NMUR2: variants seen among roughly 807,000 people sequenced by gnomAD.
NMUR2 encodes neuromedin-U receptor 2.
NMUR2 carries 24 observed loss-of-function variants against 25.1 expected under a neutral mutation model. The observed-to-expected ratio is 0.96, with a 90% CI of 0.69 to 1.34. NMUR2 has a LOEUF of 1.34. Ranked by LOEUF, NMUR2 falls within the 40% of genes most tolerant of loss-of-function variation. The pLI is 0.00. For missense variants in NMUR2, 533 were observed against 512.8 expected (o/e 1.04, Z -0.38); for synonymous variants, 218 against 208.1 (o/e 1.05, Z -0.41).
At chr5:152,395,352 G>T (rs1753130048) in intron 3 of NMUR2, 107 bp downstream of exon 3, 1 of 1,268,778 alleles carries the variant, frequency 7.9e-7, no homozygotes, top group Non-Finnish European at 1.1e-6. Flanking sequence ...ATTATAGCAT[G>T]GCAGATCCCC....
intron 1 of NMUR2, among the ~76,000 whole-genome samples, chr5:152,399,150 A>G (rs1753213642): frequency 6.6e-6 from 1 of 152,164 alleles, no homozygotes; most frequent in African/African-American, 2.4e-5. Flanking sequence ...GTTTGGCCAA[A>G]TAAAGGAAGC....
At chr5:152,397,969 G>T in intron 2 of NMUR2, 91 bp downstream of exon 2, 1 of 838,214 alleles carries the variant, frequency 1.2e-6, no homozygotes, top group South Asian at 1.5e-5. Flanking sequence ...GGATAAATTG[G>T]AACCTACCCC....
At chr5:152,397,907 C>A (rs983603191) in intron 2 of NMUR2, among the ~76,000 whole-genome samples, 153 bp downstream of exon 2, 6 of 152,142 alleles carry the variant, frequency 3.9e-5, no homozygotes, top group African/African-American at 1.4e-4. Flanking sequence ...CATTATATAT[C>A]TCTCCCCTTT....
intron 1 of NMUR2, among the ~76,000 whole-genome samples, chr5:152,398,653 T>C (rs10434724): frequency 0.21 from 31,565 of 151,982 alleles, 3,258 homozygotes; most frequent in East Asian, 0.29. Flanking sequence ...TCAAGGGGGA[T>C]AGTGTATCAA....
intron 1 of NMUR2, among the ~76,000 whole-genome samples, chr5:152,403,123 A>G (rs1753286783): frequency 6.6e-6 from 1 of 152,170 alleles, no homozygotes; most frequent in Non-Finnish European, 1.5e-5. Flanking sequence ...AACTCACATT[A>G]CTTCAGCTCA....
At chr5:152,403,873 C>T (rs1444810170) in intron 1 of NMUR2, among the ~76,000 whole-genome samples, 1 of 151,998 alleles carries the variant, frequency 6.6e-6, no homozygotes, top group African/African-American at 2.4e-5. Flanking sequence ...TCTTGGACTA[C>T]AAAATAGGCA....
chr5:152,397,012 G>GGTTT (rs1554106748), intron 2 of NMUR2, among the ~76,000 whole-genome samples: 1 of 105,708 alleles, frequency 9.5e-6, no homozygotes, highest in Admixed American at 1.0e-4. Flanking sequence ...TGAGCTTCAT[G>GGTTT]TTTTTTTTTT....
chr5:152,399,107 C>G (rs746648361), intron 1 of NMUR2, among the ~76,000 whole-genome samples: 1 of 152,090 alleles, frequency 6.6e-6, no homozygotes, highest in Non-Finnish European at 1.5e-5. Flanking sequence ...AAGTTTTTCT[C>G]TTTATTTTAC....
chr5:152,396,765 G>A (rs1753158396), intron 2 of NMUR2, among the ~76,000 whole-genome samples: 1 of 152,044 alleles, frequency 6.6e-6, no homozygotes, highest in Non-Finnish European at 1.5e-5. Context: ...GGTTGCACAC[G>A]CCTGTAATCC....
intron 3 of NMUR2, among the ~76,000 whole-genome samples, chr5:152,394,028 T>C (rs1438779048): frequency 1.4e-5 from 2 of 147,124 alleles, no homozygotes; most frequent in Non-Finnish European, 3.1e-5. Context: ...AGATTTAATC[T>C]AGTGGCTAAT....
Position 152,405,169 on chromosome 5 carries a change from G to GTAA in NMUR2, c.-57_-56insTTA. On this transcript the variant is annotated 5_prime_UTR_variant, in exon 1 of 4. Coordinates refer to ENST00000255262, the MANE Select transcript of NMUR2 (RefSeq NM_020167.5). ...CGAGGCTCTGTTTCAAGCTGAGCCA[G>GTAA]GAAAAAAAAAAAAAAAAGAAAAAAG... 8.3e-7 allele frequency: 1 copy of GTAA among 1,202,312 alleles called. No homozygotes were observed. Among genetic ancestry groups the GTAA allele is most frequent in the South Asian group, 2.5e-5 (1 of 39,396 alleles). The allele number at this position is 1,202,312 out of a possible 1,614,324, so 74.5% of individuals were successfully genotyped here. A position where few individuals can be genotyped will look rare whatever the true frequency, so the allele number is the denominator to read the frequency against.
rs560087907 is a variant in NMUR2, at chr5:152,392,925, T to G, written c.938-424A>C. The stretch of plus-strand genomic sequence containing the variant: ...TGGAAGAAGGTAAATCAGCCAAGGC[T>G]TAGTTCCTGCTGAGACTCCTTATAA... On this transcript the variant is annotated intron_variant, in intron 3 of 3. Transcript: ENST00000255262. 7.9e-5 allele frequency among the ~76,000 whole-genome samples: 12 copies of G among 152,334 alleles called. No homozygotes were observed. In the East Asian group the frequency reaches 2.3e-3, roughly 29 times the overall value.
At position 152,395,528 on chromosome 5, in the gene NMUR2, A is replaced by G; in HGVS notation, c.868T>C (p.Phe290Leu). The part of the protein sequence containing the change: ...CWAPFHIDRL[F>L]FSFVEEWSES... ...CTCCACTCCTCCACAAAGCTGAAGA[A>G]GAGTCGGTCAATGTGGAACGGGGCC... Residue 290 changes from phenylalanine (F) to leucine (L), a missense_variant, in exon 3 of 4, where the codon TTC becomes CTC. Transcript: ENST00000255262. 5 of 1,613,760 alleles carry G rather than the reference A, an allele frequency of 3.1e-6. No homozygotes were observed. Among genetic ancestry groups the G allele is most frequent in the Non-Finnish European group, 4.2e-6 (5 of 1,179,818 alleles).
chr5:152,392,247 A>G lies in NMUR2; in HGVS notation c.1192T>C (p.Ser398Pro), dbSNP rs201973208. ...TTTGTTCTTGACATCTGTTCACTAG[A>G]GAGGGCTGCTGGGAGGTGAGAGTTG... ...MHNSHLPAAL[S>P]SEQMSRTNYQ... Residue 398 changes from serine to proline, a missense_variant, in exon 4 of 4, where the codon TCT becomes CCT. Transcript: ENST00000255262. 6.8e-6 allele frequency: 11 copies of G among 1,613,896 alleles called. No individual in the cohort carries two copies. In the South Asian group the frequency reaches 1.1e-4, roughly 16 times the overall value.
chr5:152,399,071 G>GATCTAC (rs146886601), intron 1 of NMUR2, among the ~76,000 whole-genome samples: 21,899 of 151,918 alleles, frequency 0.14, 2,028 homozygotes, highest in Admixed American at 0.24. Flanking sequence ...CAGCACTGAA[G>GATCTAC]ATCTACATCA....
intron 1 of NMUR2, among the ~76,000 whole-genome samples, chr5:152,403,721 A>G (rs1753296769): frequency 1.3e-5 from 2 of 148,150 alleles, no homozygotes; most frequent in Non-Finnish European, 3.0e-5. Context: ...ATATATAACT[A>G]TATATTATAT....
rs866691764 is a variant in NMUR2 at position 152,400,039 on chromosome 5, C to T, written c.727-1895G>A. 2.6e-5 allele frequency among the ~76,000 whole-genome samples: 4 copies of T among 152,130 alleles called. 1 individual carries two copies. The highest frequency in any genetic ancestry group is 4.8e-5 in the African/African-American group (2 of 41,438). The stretch of plus-strand genomic sequence containing the variant: ...GAAAAGGTATTTAAAATTAAATAGA[C>T]TTGGAAGAGTGGGTCTTTAAAAGCT... On this transcript the variant is annotated intron_variant, in intron 1 of 3. Coordinates refer to ENST00000255262, the MANE Select transcript of NMUR2 (RefSeq NM_020167.5).
rs184745574 is a variant in NMUR2, at chr5:152,391,857, G to A, written c.*334C>T. The A allele has an allele frequency of 4.0e-3, 800 of 198,662 alleles. 3 individuals carry two copies. Among genetic ancestry groups the A allele is most frequent in the Middle Eastern group, 6.6e-3 (3 of 452 alleles). 12.3% of individuals were successfully genotyped at this position (198,662 alleles called of 1,614,324 possible). A position where few individuals can be genotyped will look rare whatever the true frequency, so the allele number is the denominator to read the frequency against. ...GGTAGTAGGAGTGACAGCCTGACTC[G>A]GAACGTAGATGACTCAGGACGAACC... On this transcript the variant is annotated 3_prime_UTR_variant, in exon 4 of 4. Coordinates refer to ENST00000255262, the MANE Select transcript of NMUR2 (RefSeq NM_020167.5).
intron 2 of NMUR2, among the ~76,000 whole-genome samples, chr5:152,396,871 A>G (rs761487594): frequency 5.9e-5 from 9 of 152,078 alleles, no homozygotes; most frequent in Non-Finnish European, 4.4e-5. Context: ...CCAGGGCAAC[A>G]GGGCAAGACT....
Sources: allele counts gnomAD v4.1 joint callset (sites outside exome capture counted in the v4.1 genomes callset), GRCh38; gene constraint gnomAD v4.1.1; transcripts MANE v1.5; gene names NCBI Gene and HGNC (gene_info 2026-07-23, HGNC 2026-07-21).